Variants in PLCB1 observed in about 807,000 individuals in gnomAD.
The protein encoded by PLCB1 is phospholipase C beta 1.
Under a neutral mutation model 161.8 loss-of-function variants are expected in PLCB1, and 46 were observed. The observed-to-expected ratio is 0.28, with a 90% CI of 0.22 to 0.36. The LOEUF is 0.36. Ranked by LOEUF, PLCB1 falls within the 10% of genes least tolerant of loss-of-function variation. PLCB1 has a pLI of 1.00. For synonymous variants in PLCB1, 517 were observed against 503.7 expected, an observed-to-expected ratio of 1.03 and a Z score of -0.35; for missense variants, 1,016 against 1,472.5, an observed-to-expected ratio of 0.69 and a Z score of 5.07.
intron 2 of PLCB1, among the ~76,000 whole-genome samples, chr20:8,215,138 T>C (rs1268608554): frequency 2.0e-5 from 3 of 152,068 alleles, no homozygotes; most frequent in African/African-American, 7.2e-5. Context: ...GAAGATTATT[T>C]TGTTGTTCTG....
intron 31 of PLCB1, among the ~76,000 whole-genome samples, chr20:8,845,048 A>C (rs1282267966): frequency 6.6e-6 from 1 of 152,044 alleles, no homozygotes; most frequent in African/African-American, 2.4e-5. Flanking sequence ...CGGGATGGGG[A>C]GCTTGCAGTG....
intron 1 of PLCB1, among the ~76,000 whole-genome samples, chr20:8,140,557 G>T (rs970072794): frequency 6.6e-6 from 1 of 151,986 alleles, no homozygotes; most frequent in Non-Finnish European, 1.5e-5. Flanking sequence ...GCTTACCCCT[G>T]TTCAGTCATT....
At position 8,881,939 on chromosome 20, in the gene PLCB1, TC is replaced by T. The variant is rs146432082; in HGVS notation, c.*93del. ...CAAAGATCACTGCCCAGGACCATCT[TC>T]CCGAGAAGCATCCCTTAGCCTAAAA... On this transcript the variant is annotated 3_prime_UTR_variant, in exon 32 of 32. Coordinates refer to ENST00000338037, the MANE Select transcript of PLCB1 (RefSeq NM_015192.4). 4.2e-3 allele frequency: 3,549 copies of T among 842,554 alleles called. 93 individuals carry two copies. The African/African-American group carries it at 0.055, about 13-fold the overall frequency. 52.2% of individuals were successfully genotyped at this position (842,554 alleles called of 1,614,324 possible).
chr20:8,448,762 A>G (rs1980946096), intron 3 of PLCB1, among the ~76,000 whole-genome samples: 1 of 152,180 alleles, frequency 6.6e-6, no homozygotes, highest in Non-Finnish European at 1.5e-5. Context: ...CCCTGTCTGG[A>G]TGTTAGCTGT....
chr20:8,438,799 A>G (rs1449699270), intron 3 of PLCB1, among the ~76,000 whole-genome samples: 1 of 151,584 alleles, frequency 6.6e-6, no homozygotes, highest in Non-Finnish European at 1.5e-5. Flanking sequence ...TCCTCACCCC[A>G]GGCCACAAGA....
chr20:8,738,774 TCTC>T (rs1483131856), intron 20 of PLCB1, among the ~76,000 whole-genome samples: 6 of 152,172 alleles, frequency 3.9e-5, no homozygotes, highest in Non-Finnish European at 7.3e-5. Context: ...ACCCATGTCT[TCTC>T]CTCTGAAAAT....
chr20:8,804,556 C>T (rs985580021), intron 31 of PLCB1, among the ~76,000 whole-genome samples: 7 of 151,982 alleles, frequency 4.6e-5, no homozygotes, highest in South Asian at 2.1e-4. Flanking sequence ...AAGAACAAAA[C>T]GTTCTTTTAT....
chr20:8,492,859 TG>T, intron 3 of PLCB1, among the ~76,000 whole-genome samples: 1 of 151,998 alleles, frequency 6.6e-6, no homozygotes, highest in Non-Finnish European at 1.5e-5. Flanking sequence ...TGTGTGTGTG[TG>T]TGTGTGTGTG....
chr20:8,505,775 G>T (rs986637209), intron 3 of PLCB1, among the ~76,000 whole-genome samples: 1 of 152,202 alleles, frequency 6.6e-6, no homozygotes, highest in Non-Finnish European at 1.5e-5. Flanking sequence ...CAATCTCTTG[G>T]AGCTGGTAAT....
Position 8,311,477 on chromosome 20 carries a change from G to A in PLCB1, c.178-59905G>A, listed in dbSNP as rs144485509. On this transcript the variant is annotated intron_variant, in intron 2 of 31. Coordinates refer to ENST00000338037, the MANE Select transcript of PLCB1 (RefSeq NM_015192.4). ...AGGGAGGATTTGATTGAGTTGGAAA[G>A]TGGATCATTTGTACTTCACTTTGAT... Among the ~76,000 whole-genome samples, 897 of 152,334 alleles carry A rather than the reference G, an allele frequency of 5.9e-3. 5 individuals are homozygous for A. Among genetic ancestry groups the A allele is most frequent in the Middle Eastern group, 0.027 (8 of 294 alleles).
At chr20:8,280,286 G>A (rs1255991403) in intron 2 of PLCB1, among the ~76,000 whole-genome samples, 5 of 151,328 alleles carry the variant, frequency 3.3e-5, no homozygotes, top group African/African-American at 9.7e-5. Flanking sequence ...ATTGAGCAGA[G>A]GTCACACAAT....
At chr20:8,249,060 C>T (rs996877053) in intron 2 of PLCB1, among the ~76,000 whole-genome samples, 3 of 151,866 alleles carry the variant, frequency 2.0e-5, no homozygotes, top group Non-Finnish European at 2.9e-5. Flanking sequence ...CTGAAATTCT[C>T]TTCTGGGGAA....
At chr20:8,241,693 GA>G (rs1012569052) in intron 2 of PLCB1, among the ~76,000 whole-genome samples, 3 of 151,662 alleles carry the variant, frequency 2.0e-5, no homozygotes, top group Non-Finnish European at 2.9e-5. Flanking sequence ...TGGAGGCTGA[GA>G]AAGAGAATAA....
intron 3 of PLCB1, among the ~76,000 whole-genome samples, chr20:8,479,243 A>G (rs546321626): frequency 7.9e-4 from 121 of 152,318 alleles, no homozygotes; most frequent in South Asian, 1.4e-3. Flanking sequence ...GCAAGCCATC[A>G]AAGTGTACAT....
chr20:8,302,595 TTCA>T (rs1241438677), intron 2 of PLCB1, among the ~76,000 whole-genome samples: 2 of 152,272 alleles, frequency 1.3e-5, no homozygotes, highest in African/African-American at 4.8e-5. Flanking sequence ...AATGCATCTC[TTCA>T]TCATGTTTTC....
intron 10 of PLCB1, among the ~76,000 whole-genome samples, chr20:8,695,452 A>C (rs554691733): frequency 6.6e-6 from 1 of 152,352 alleles, no homozygotes; most frequent in African/African-American, 2.4e-5. Flanking sequence ...CTGTAATCTC[A>C]GCACTTCCTG....
chr20:8,604,390 A>T (rs1210595250), intron 3 of PLCB1, among the ~76,000 whole-genome samples: 1 of 152,154 alleles, frequency 6.6e-6, no homozygotes, highest in Non-Finnish European at 1.5e-5. Flanking sequence ...CTGCAAATTA[A>T]ACAATTTCCA....
intron 3 of PLCB1, among the ~76,000 whole-genome samples, chr20:8,428,899 A>G (rs116913550): frequency 7.2e-5 from 11 of 152,312 alleles, no homozygotes; most frequent in Non-Finnish European, 1.5e-4. Context: ...TACAGGGGAA[A>G]ATGTTTGAAT....
At chr20:8,733,184 T>C in intron 18 of PLCB1, 54 bp from the exon 19 acceptor site, 1 of 1,578,124 alleles carries the variant, frequency 6.3e-7, no homozygotes, top group South Asian at 1.1e-5. Flanking sequence ...AATCTTACTT[T>C]CTTACCCCAA....
Sources: gnomAD v4.1 joint callset for allele counts (sites outside exome capture counted in the v4.1 genomes callset) on GRCh38, gnomAD v4.1.1 for gene constraint, MANE v1.5 for transcripts, NCBI Gene and HGNC (gene_info 2026-07-23, HGNC 2026-07-21) for gene names.